The following RBFOX1 variants were observed in gnomAD, a reference collection of about 807,000 sequenced individuals.
RBFOX1 encodes RNA binding fox-1 homolog 1.
Under a neutral mutation model 57.7 loss-of-function variants are expected in RBFOX1, and 8 were observed. That is an observed-to-expected ratio of 0.14 (90% CI 0.08 to 0.25). The LOEUF (loss-of-function observed/expected upper bound fraction) is 0.25. Ranked by LOEUF, RBFOX1 falls within the 10% of genes least tolerant of loss-of-function variation. RBFOX1 has a pLI of 1.00. For synonymous variants in RBFOX1, 326 were observed against 222.4 expected, an observed-to-expected ratio of 1.47 and a Z score of -4.15; for missense variants, 611 against 548.5, an observed-to-expected ratio of 1.11 and a Z score of -1.14.
At chr16:7,472,490 G>C (rs117928997) in intron 4 of RBFOX1, among the ~76,000 whole-genome samples, 200 of 152,276 alleles carry the variant, frequency 1.3e-3, no homozygotes, top group African/African-American at 4.4e-3. Flanking sequence ...GCAAAGAAAA[G>C]ATTAAGTTAT....
rs973472590 is a variant in RBFOX1, at chr16:6,791,512, A to G, written c.-16+136862A>G. Among the ~76,000 whole-genome samples the G allele has an allele frequency of 2.6e-5, 4 of 152,180 alleles. No individual in the cohort carries two copies. The East Asian group carries it at 7.7e-4, about 29-fold the overall frequency. On this transcript the variant is annotated intron_variant, in intron 3 of 15. Coordinates refer to ENST00000550418, the MANE Select transcript of RBFOX1 (RefSeq NM_018723.4). Reference sequence around the variant, plus strand: ...ATTGGCTCACACCTGTAATCCCAGCACTTCGGGAGGCCGAGGTGGGTGGAT... The same window carrying G: ...ATTGGCTCACACCTGTAATCCCAGCGCTTCGGGAGGCCGAGGTGGGTGGAT...
intron 4 of RBFOX1, among the ~76,000 whole-genome samples, chr16:7,456,080 ATTCTTAATGATTTTTGAACAAGCG>A (rs1567259715): frequency 6.6e-6 from 1 of 152,148 alleles, no homozygotes; most frequent in Non-Finnish European, 1.5e-5. Context: ...TATAGCTGGA[ATTCTTAATGATTTTTGAACAAGCG>A]TTCCTACATT....
intron 2 of RBFOX1, among the ~76,000 whole-genome samples, chr16:6,466,591 C>G (rs117703326): frequency 0.02 from 3,075 of 152,252 alleles, 51 homozygotes; most frequent in Non-Finnish European, 0.032. Context: ...TCTCCTCTGT[C>G]CTTTTGACAA....
chr16:5,699,493 A>C (rs1363104390), intron 3 of RBFOX1, among the ~76,000 whole-genome samples: 1 of 151,678 alleles, frequency 6.6e-6, no homozygotes, highest in Non-Finnish European at 1.5e-5. Flanking sequence ...ACTGAAGGCA[A>C]TTTTGCCCCC....
At chr16:5,765,731 G>A (rs1177028124) in intron 3 of RBFOX1, among the ~76,000 whole-genome samples, 2 of 152,220 alleles carry the variant, frequency 1.3e-5, no homozygotes, top group Admixed American at 1.3e-4. Flanking sequence ...ATCAGCCAGT[G>A]AAGCACCTCA....
chr16:6,933,313 A>G (rs1179635063), intron 3 of RBFOX1, among the ~76,000 whole-genome samples: 3 of 152,222 alleles, frequency 2.0e-5, no homozygotes, highest in East Asian at 1.9e-4. Flanking sequence ...AGTAACCGAC[A>G]TACTCTTTTC....
intron 1 of RBFOX1, among the ~76,000 whole-genome samples, chr16:6,239,689 G>C (rs780069226): frequency 6.6e-6 from 1 of 151,656 alleles, no homozygotes; most frequent in Non-Finnish European, 1.5e-5. Flanking sequence ...GTAGAGACGG[G>C]GGTTTCACCA....
intron 2 of RBFOX1, among the ~76,000 whole-genome samples, chr16:6,623,670 C>G (rs896794057): frequency 4.0e-5 from 6 of 151,894 alleles, no homozygotes; most frequent in Non-Finnish European, 8.8e-5. Context: ...GTTCAGTTCT[C>G]ACCTATGAGT....
intron 3 of RBFOX1, among the ~76,000 whole-genome samples, chr16:6,976,410 A>G (rs917831083): frequency 6.6e-6 from 1 of 152,148 alleles, no homozygotes; most frequent in African/African-American, 2.4e-5. Flanking sequence ...CAGTTTCCAG[A>G]GGCGAGCATG....
intron 1 of RBFOX1, among the ~76,000 whole-genome samples, chr16:6,109,998 T>G (rs889749838): frequency 1.3e-5 from 2 of 152,170 alleles, no homozygotes; most frequent in African/African-American, 4.8e-5. Context: ...TAATTACCAT[T>G]ATTACTTTAT....
intron 4 of RBFOX1, among the ~76,000 whole-genome samples, chr16:7,199,436 T>C (rs956003032): frequency 6.6e-6 from 1 of 152,202 alleles, no homozygotes; most frequent in Admixed American, 6.5e-5. Flanking sequence ...AAAATGTCTT[T>C]GGAAATGAAT....
intron 1 of RBFOX1, among the ~76,000 whole-genome samples, chr16:5,320,900 G>C (rs1348782195): frequency 2.0e-4 from 31 of 152,164 alleles, no homozygotes; most frequent in Admixed American, 2.0e-3. Flanking sequence ...TCCTGCTGTT[G>C]CCCCAGGGGC....
At chr16:7,505,071 G>T (rs963204702) in intron 4 of RBFOX1, among the ~76,000 whole-genome samples, 1 of 151,254 alleles carries the variant, frequency 6.6e-6, no homozygotes, top group African/African-American at 2.4e-5. Flanking sequence ...GTGCCCCGAG[G>T]TGCTGAGTGA....
At chr16:5,810,030 A>C (rs566825381) in intron 3 of RBFOX1, among the ~76,000 whole-genome samples, 1 of 152,314 alleles carries the variant, frequency 6.6e-6, no homozygotes, top group Non-Finnish European at 1.5e-5. Flanking sequence ...TTGTAGGGAC[A>C]TGGATGAAAT....
At chr16:5,612,265 C>G (rs146889931) in intron 3 of RBFOX1, among the ~76,000 whole-genome samples, 2 of 151,534 alleles carry the variant, frequency 1.3e-5, no homozygotes, top group African/African-American at 2.4e-5. Context: ...ATCCATCCAT[C>G]TACTCTCCCA....
intron 3 of RBFOX1, among the ~76,000 whole-genome samples, chr16:5,716,287 G>A (rs2051695469): frequency 6.6e-6 from 1 of 152,288 alleles, no homozygotes; most frequent in South Asian, 2.1e-4. Flanking sequence ...GTTCAGGGGT[G>A]CAAGTACAGG....
chr16:7,324,685 C>G (rs1265373168), intron 4 of RBFOX1, among the ~76,000 whole-genome samples: 2 of 152,158 alleles, frequency 1.3e-5, no homozygotes, highest in African/African-American at 4.8e-5. Flanking sequence ...ATGGTGCTGC[C>G]TGAACCACTG....
At chr16:5,969,720 A>T (rs117585964) in intron 4 of RBFOX1, among the ~76,000 whole-genome samples, 3 of 151,754 alleles carry the variant, frequency 2.0e-5, no homozygotes, top group African/African-American at 7.2e-5. Context: ...GCTTCTTTTC[A>T]TGTAGTTTTA....
At chr16:6,948,318 G>C (rs569434719) in intron 3 of RBFOX1, among the ~76,000 whole-genome samples, 2 of 148,730 alleles carry the variant, frequency 1.3e-5, no homozygotes, top group Non-Finnish European at 3.0e-5. Context: ...AATAAAGCCA[G>C]GTAATGGAAA....
Sources: gnomAD v4.1 joint callset for allele counts (sites outside exome capture counted in the v4.1 genomes callset) on GRCh38, gnomAD v4.1.1 for gene constraint, MANE v1.5 for transcripts, NCBI Gene and HGNC (gene_info 2026-07-23, HGNC 2026-07-21) for gene names.